Variants in ASAP1 observed in about 807,000 individuals in gnomAD.
ASAP1 encodes the protein arf-GAP with SH3 domain, ANK repeat and PH domain-containing protein 1.
A neutral mutation model predicts 145.2 loss-of-function variants in ASAP1; 43 were observed. That is an observed-to-expected ratio of 0.30 (90% CI 0.23 to 0.38). The LOEUF is 0.38. ASAP1 is among the 10% of genes least tolerant of loss of function. The probability of loss-of-function intolerance (pLI) is 1.00; values close to 1 mark genes in which losing one functional copy is unlikely to be tolerated. For missense variants in ASAP1, 1,018 were observed against 1,355.3 expected (o/e 0.75, Z 3.91); for synonymous variants, 546 against 515.5 (o/e 1.06, Z -0.80).
intron 3 of ASAP1, among the ~76,000 whole-genome samples, chr8:130,309,406 A>G (rs1415822359): frequency 2.6e-5 from 4 of 152,240 alleles, no homozygotes; most frequent in Admixed American, 2.0e-4. Flanking sequence ...GGGTGCTATG[A>G]CACTTAGACT....
At chr8:130,417,464 G>A (rs185422758) in intron 1 of ASAP1, among the ~76,000 whole-genome samples, 45 of 152,272 alleles carry the variant, frequency 3.0e-4, no homozygotes, top group Admixed American at 8.5e-4. Flanking sequence ...TTCTTGGCTC[G>A]CTCTGACACA....
intron 1 of ASAP1, among the ~76,000 whole-genome samples, chr8:130,430,209 CA>C (rs1470420505): frequency 1.4e-4 from 21 of 152,170 alleles, no homozygotes; most frequent in African/African-American, 5.1e-4. Flanking sequence ...ATTCATTCAT[CA>C]AACATGAATT....
intron 9 of ASAP1, among the ~76,000 whole-genome samples, chr8:130,169,833 G>A (rs915423916): frequency 3.9e-5 from 6 of 152,204 alleles, no homozygotes; most frequent in African/African-American, 1.4e-4. Flanking sequence ...CAGCTAGTAA[G>A]CAGCAGAGCT....
chr8:130,312,287 A>G (rs1823404622), intron 3 of ASAP1, among the ~76,000 whole-genome samples: 1 of 151,784 alleles, frequency 6.6e-6, no homozygotes, highest in African/African-American at 2.4e-5. Flanking sequence ...TAAAAAAAAA[A>G]AAAAAAAGTA....
chr8:130,146,980 C>A (rs943709390), intron 13 of ASAP1, among the ~76,000 whole-genome samples: 3 of 152,026 alleles, frequency 2.0e-5, no homozygotes, highest in Admixed American at 6.6e-5. Context: ...AATCCCAGAA[C>A]TTTGGGAAGC....
At chr8:130,304,270 G>T (rs1181357704) in intron 3 of ASAP1, among the ~76,000 whole-genome samples, 1 of 148,608 alleles carries the variant, frequency 6.7e-6, no homozygotes, top group African/African-American at 2.5e-5. Flanking sequence ...TATACTGCCC[G>T]GAAAAGAACG....
chr8:130,126,780 A>C (rs1453846011), intron 16 of ASAP1, among the ~76,000 whole-genome samples: 1 of 152,174 alleles, frequency 6.6e-6, no homozygotes, highest in Non-Finnish European at 1.5e-5. Context: ...AAAATCTGAG[A>C]CTTCTCTCTG....
rs199770520 is a variant in ASAP1, at chr8:130,134,351, T to TAA, written c.1169-9_1169-8dup. ...AAGTGATATGTTCTATTATCTAAAA[T>TAA]AAAAAAAAAGAAAAATAAGTGAAAC... On this transcript the variant is annotated splice_region_variant and splice_polypyrimidine_tract_variant and intron_variant, in intron 14 of 29. Transcript: ENST00000518721. 7 of 1,525,556 alleles carry TAA rather than the reference T, an allele frequency of 4.6e-6. No individual in the cohort carries two copies. The African/African-American group carries it at 7.0e-5, about 15-fold the overall frequency. 94.5% of individuals were successfully genotyped at this position (1,525,556 alleles called of 1,614,324 possible).
At chr8:130,367,450 C>G (rs950536425) in intron 2 of ASAP1, among the ~76,000 whole-genome samples, 2 of 152,228 alleles carry the variant, frequency 1.3e-5, no homozygotes, top group Non-Finnish European at 2.9e-5. Context: ...TTCAAAGCCA[C>G]TGAGGCTCTG....
intron 27 of ASAP1, among the ~76,000 whole-genome samples, chr8:130,074,343 A>G (rs1004555215): frequency 2.2e-4 from 34 of 152,084 alleles, no homozygotes; most frequent in African/African-American, 8.0e-4. Flanking sequence ...GGAATGGGTG[A>G]TAAGTATGTG....
intron 2 of ASAP1, among the ~76,000 whole-genome samples, chr8:130,389,096 T>C (rs1828155610): frequency 6.6e-6 from 1 of 152,228 alleles, no homozygotes; most frequent in African/African-American, 2.4e-5. Flanking sequence ...CGTTAAATGC[T>C]CTGTGAGCAT....
chr8:130,236,455 A>G (rs1454634757), intron 4 of ASAP1, among the ~76,000 whole-genome samples: 1 of 152,134 alleles, frequency 6.6e-6, no homozygotes, highest in East Asian at 1.9e-4. Context: ...AAAAGAAAAG[A>G]TGATAGTTCA....
intron 2 of ASAP1, among the ~76,000 whole-genome samples, chr8:130,390,937 C>CT (rs1478938913): frequency 1.4e-5 from 2 of 145,920 alleles, no homozygotes; most frequent in African/African-American, 5.2e-5. Context: ...TATATATCCC[C>CT]CGCCCCCCCA....
chr8:130,209,138 G>A (rs1430551995), intron 5 of ASAP1, among the ~76,000 whole-genome samples: 1 of 152,126 alleles, frequency 6.6e-6, no homozygotes, highest in Non-Finnish European at 1.5e-5. Context: ...AATCCAGTGT[G>A]TACAAAGGAC....
chr8:130,220,549 C>A (rs1170973089), intron 4 of ASAP1, among the ~76,000 whole-genome samples: 1 of 152,126 alleles, frequency 6.6e-6, no homozygotes, highest in Non-Finnish European at 1.5e-5. Context: ...TAAGAAACAG[C>A]AAGGTGGCTG....
intron 5 of ASAP1, among the ~76,000 whole-genome samples, chr8:130,193,174 G>T (rs549203681): frequency 3.3e-5 from 5 of 152,220 alleles, no homozygotes; most frequent in South Asian, 2.1e-4. Flanking sequence ...TTTGAGACCA[G>T]CCTGGCCAAC....
chr8:130,279,543 C>A (rs1565165831), intron 3 of ASAP1, among the ~76,000 whole-genome samples: 1 of 152,166 alleles, frequency 6.6e-6, no homozygotes, highest in Non-Finnish European at 1.5e-5. Flanking sequence ...GCTTTTGAAA[C>A]AAGCGCAGGG....
chr8:130,099,610 C>T (rs1364596524), intron 24 of ASAP1, among the ~76,000 whole-genome samples: 1 of 151,800 alleles, frequency 6.6e-6, no homozygotes, highest in Admixed American at 6.6e-5. Flanking sequence ...TCTTTCTGTG[C>T]CTGGCTTATT....
intron 2 of ASAP1, among the ~76,000 whole-genome samples, chr8:130,377,635 C>T: frequency 6.6e-6 from 1 of 152,236 alleles, no homozygotes; most frequent in Non-Finnish European, 1.5e-5. Flanking sequence ...CTCCTGCTGA[C>T]CTGCTCCAGA....
Sources: gnomAD v4.1 joint callset for allele counts (sites outside exome capture counted in the v4.1 genomes callset) on GRCh38, gnomAD v4.1.1 for gene constraint, MANE v1.5 for transcripts, NCBI Gene and HGNC (gene_info 2026-07-23, HGNC 2026-07-21) for gene names.